Variants in TALDO1 observed in about 807,000 individuals in gnomAD.
The protein encoded by TALDO1 is transaldolase.
A neutral mutation model predicts 38.1 loss-of-function variants in TALDO1; 29 were observed. The observed-to-expected ratio is 0.76, with a 90% CI of 0.57 to 1.04. The LOEUF (loss-of-function observed/expected upper bound fraction) is 1.04. Ranked by LOEUF, TALDO1 falls within the 50% of genes least tolerant of loss-of-function variation. The probability of loss-of-function intolerance (pLI) is 0.00; values close to 1 mark genes in which losing one functional copy is unlikely to be tolerated. For synonymous variants in TALDO1, 207 were observed against 176.8 expected, an observed-to-expected ratio of 1.17 and a Z score of -1.36; for missense variants, 499 against 438.1, an observed-to-expected ratio of 1.14 and a Z score of -1.24.
In TALDO1 at chr11:764,424, G is replaced by A; in HGVS notation, c.972G>A (p.Arg324=). Residue 324 remains arginine, a synonymous_variant, in exon 7 of 8, where the codon CGG becomes CGA. Transcript: ENST00000319006. ...CCGCTGATGCAGTGAAGCTGGAGCG[G>A]ATGCTGACAGTGAGTGTTGTGTGTG... is the stretch of plus-strand genomic sequence containing the variant. The part of the protein sequence containing the change: ...KFAADAVKLE[R]MLTERMFNAE... 6.2e-7 allele frequency: 1 copy of A among 1,610,566 alleles called. No individual in the cohort carries two copies. Among genetic ancestry groups the A allele is most frequent in the Non-Finnish European group, 8.5e-7 (1 of 1,177,634 alleles).
At position 764,441 on chromosome 11, in the gene TALDO1, T is replaced by C. The variant is rs766041069; in HGVS notation, c.981+8T>C. ...CTGGAGCGGATGCTGACAGTGAGTG[T>C]TGTGTGTGGGTACCTACATATGCCA... On this transcript the variant is annotated splice_region_variant and intron_variant, in intron 7 of 7. Coordinates refer to ENST00000319006, the MANE Select transcript of TALDO1 (RefSeq NM_006755.2). 6 of 1,613,710 alleles carry C rather than the reference T, an allele frequency of 3.7e-6. No individual in the cohort carries two copies. The highest frequency in any genetic ancestry group is 5.1e-6 in the Non-Finnish European group (6 of 1,179,830).
In TALDO1 at chr11:763,504, CCCCTGGAAGA is replaced by C. The variant is rs753274168; in HGVS notation, c.629_637+1del. ...AAACACCGACAAGAAATCCTATGAG[CCCCTGGAAGA>C]CCCTGGTGAGGGTCCCTCTGTGGTA... On this transcript the variant is annotated frameshift_variant, in exon 5 of 8. Coordinates refer to ENST00000319006, the MANE Select transcript of TALDO1 (RefSeq NM_006755.2). LOFTEE classifies it high-confidence loss of function. The C allele has an allele frequency of 6.2e-6, 10 of 1,613,566 alleles. No homozygotes were observed. The highest frequency in any genetic ancestry group is 8.5e-6 in the Non-Finnish European group (10 of 1,179,900).
At chr11:759,119 T>C in intron 3 of TALDO1, 62 bp downstream of exon 3, 1 of 1,400,394 alleles carries the variant, frequency 7.1e-7, no homozygotes, top group Non-Finnish European at 1.0e-6. Flanking sequence ...CACACGTGGA[T>C]GCCAACATGA....
At chr11:750,527 T>C (rs1459133773) in intron 1 of TALDO1, among the ~76,000 whole-genome samples, 1 of 151,712 alleles carries the variant, frequency 6.6e-6, no homozygotes, top group Non-Finnish European at 1.5e-5. Context: ...ATAAAGTTAC[T>C]GAACTTGTGA....
At chr11:764,095 T>C in intron 6 of TALDO1, 151 bp downstream of exon 6, 2 of 1,334,450 alleles carry the variant, frequency 1.5e-6, no homozygotes, top group Non-Finnish European at 2.1e-6. Flanking sequence ...GGCTTGGCTT[T>C]CCTAACACAT....
Position 763,071 on chromosome 11 carries a change from AGTCTTACCGATTTGT to A in TALDO1, c.462-272_462-258del, listed in dbSNP as rs563170181. On this transcript the variant is annotated intron_variant, in intron 4 of 7. Transcript: ENST00000319006. ...ACCCACTATCCACTTAGAGCCCTCGAGTCTTACCGATTTGTTCTTAACAATGGCATGAGCCTGTTC... is the reference window on the plus strand; with the variant it reads ...ACCCACTATCCACTTAGAGCCCTCGATCTTAACAATGGCATGAGCCTGTTC... Among the ~76,000 whole-genome samples the A allele has an allele frequency of 4.5e-3, 685 of 151,896 alleles. 2 individuals carry two copies. The highest frequency in any genetic ancestry group is 0.017 in the Middle Eastern group (5 of 294).
chr11:755,989 C>A lies in TALDO1; in HGVS notation c.208C>A (p.Arg70=), dbSNP rs771652130. 15 of 1,613,128 alleles carry A rather than the reference C, an allele frequency of 9.3e-6. No homozygotes were observed. Among genetic ancestry groups the A allele is most frequent in the African/African-American group, 1.3e-5 (1 of 74,908 alleles). The stretch of plus-strand genomic sequence containing the variant: ...GGTGGAGGAGGCGATTGCCTATGGC[C>A]GGAAGCTGGGCGGGTGAGTGCCTGG... ...ELVEEAIAYG[R]KLGGSQEDQI... Residue 70 remains arginine (R), a synonymous_variant, in exon 2 of 8, where the codon CGG becomes AGG. Transcript: ENST00000319006.
intron 2 of TALDO1, among the ~76,000 whole-genome samples, chr11:757,966 G>A (rs528172848): frequency 6.6e-6 from 1 of 152,142 alleles, no homozygotes; most frequent in African/African-American, 2.4e-5. Context: ...GCAAAACTCT[G>A]TCTCTACAAA....
chr11:761,962 GTTT>G (rs538232832), intron 4 of TALDO1, among the ~76,000 whole-genome samples: 2 of 151,230 alleles, frequency 1.3e-5, no homozygotes, highest in East Asian at 3.9e-4. Context: ...TCATTTGTGT[GTTT>G]TTTTGTTTTT....
rs371348096 is a variant in TALDO1 at position 759,782 on chromosome 11, A to G, written c.330-340A>G. Among the ~76,000 whole-genome samples, 3 of 152,042 alleles carry G rather than the reference A, an allele frequency of 2.0e-5. No individual in the cohort carries two copies. The East Asian group carries it at 5.8e-4, about 29-fold the overall frequency. On this transcript the variant is annotated intron_variant, in intron 3 of 7. Coordinates refer to ENST00000319006, the MANE Select transcript of TALDO1 (RefSeq NM_006755.2). Reference sequence around the variant, plus strand: ...TTTTTAGTAGCGACAGGGTTTCACCATGTTGGCCAGGATGGTCTCGATCCC... The same window carrying G: ...TTTTTAGTAGCGACAGGGTTTCACCGTGTTGGCCAGGATGGTCTCGATCCC...
intron 1 of TALDO1, among the ~76,000 whole-genome samples, chr11:750,758 G>C (rs2133568657): frequency 6.6e-6 from 1 of 152,096 alleles, no homozygotes; most frequent in South Asian, 2.1e-4. Flanking sequence ...CTGGGAGGCG[G>C]AGCTTGCAAT....
At chr11:764,178 C>G (rs1206938040) in intron 6 of TALDO1, 110 bp from the exon 7 acceptor site, 1 of 1,588,186 alleles carries the variant, frequency 6.3e-7, no homozygotes, top group African/African-American at 1.3e-5. Context: ...GGGGCCAAGG[C>G]CTGGCCCTGG....
At position 764,703 on chromosome 11, in the gene TALDO1, C is replaced by CA. The variant is rs1159470684; in HGVS notation, c.982-109dup. 2.6e-6 allele frequency: 4 copies of CA among 1,559,464 alleles called. No individual in the cohort carries two copies. In the African/African-American group the frequency reaches 4.1e-5, roughly 16 times the overall value. On this transcript the variant is annotated intron_variant, in intron 7 of 7. Coordinates refer to ENST00000319006, the MANE Select transcript of TALDO1 (RefSeq NM_006755.2). ...CCACCCTGTGGCCGTGGCCCCCACA[C>CA]AGAGTGCAGACCCCACAAGGGCCTC...
In TALDO1 at chr11:763,836, G is replaced by A. The variant is rs1315654562; in HGVS notation, c.727G>A (p.Glu243Lys). The change falls in exon 6 of 8, where the codon GAG (glutamate) becomes AAG (lysine). Residue 243 changes from glutamate to lysine, a missense_variant. Coordinates refer to ENST00000319006, the MANE Select transcript of TALDO1 (RefSeq NM_006755.2). ...GGGCGCCTCCTTCCGCAACACGGGC[G>A]AGATCAAAGCACTGGCCGGCTGTGA... ...VMGASFRNTGEIKALAGCDFL... is the reference protein window; with the variant it reads ...VMGASFRNTGKIKALAGCDFL... 5.6e-6 allele frequency: 9 copies of A among 1,614,032 alleles called. No individual in the cohort carries two copies. The highest frequency in any genetic ancestry group is 7.6e-6 in the Non-Finnish European group (9 of 1,180,024).
chr11:760,030 A>G, intron 3 of TALDO1, 92 bp from the exon 4 acceptor site: 1 of 1,586,264 alleles, frequency 6.3e-7, no homozygotes, highest in South Asian at 1.1e-5. Flanking sequence ...GGTGCTGCTC[A>G]AAACTGACAG....
At position 764,846 on chromosome 11, in the gene TALDO1, C is replaced by T. The variant is rs145192861; in HGVS notation, c.*1C>T. ...GTTCAATGCAGAGAATGGAAAGTAG[C>T]GCATCCCTGAGGCTGGACTCCAGAT... On this transcript the variant is annotated 3_prime_UTR_variant, in exon 8 of 8. Transcript: ENST00000319006. The T allele has an allele frequency of 1.2e-5, 19 of 1,614,066 alleles. No homozygotes were observed. The highest frequency in any genetic ancestry group is 4.0e-5 in the African/African-American group (3 of 75,058).
intron 1 of TALDO1, among the ~76,000 whole-genome samples, chr11:750,880 A>G (rs777161791): frequency 3.3e-5 from 5 of 151,988 alleles, no homozygotes; most frequent in Non-Finnish European, 5.9e-5. Flanking sequence ...GGGCCATTCT[A>G]TGGGTGTCAA....
At chr11:751,971 T>C (rs1235679329) in intron 1 of TALDO1, among the ~76,000 whole-genome samples, 1 of 152,208 alleles carries the variant, frequency 6.6e-6, no homozygotes, top group Non-Finnish European at 1.5e-5. Flanking sequence ...TTTCCATCAC[T>C]GACCTTCTCC....
rs759958255 is a variant in TALDO1, at chr11:747,564, C to T, written c.83C>T (p.Thr28Met). 6.9e-6 allele frequency: 11 copies of T among 1,584,524 alleles called. No homozygotes were observed. The highest frequency in any genetic ancestry group is 5.1e-6 in the Non-Finnish European group (6 of 1,168,208). The change falls in exon 1 of 8, where the codon ACG becomes ATG. Residue 28 changes from threonine (T) to methionine (M), a missense_variant. Coordinates refer to ENST00000319006, the MANE Select transcript of TALDO1 (RefSeq NM_006755.2). ...LKQFTTVVAD[T>M]GDFHAIDEYK... ...CAGTTCACCACCGTGGTGGCCGACACGGGCGACTTCCACGGTGAGGACGGC... is the reference window on the plus strand; with the variant it reads ...CAGTTCACCACCGTGGTGGCCGACATGGGCGACTTCCACGGTGAGGACGGC...
Sources: gnomAD v4.1 joint callset for allele counts (sites outside exome capture counted in the v4.1 genomes callset) on GRCh38, gnomAD v4.1.1 for gene constraint, MANE v1.5 for transcripts, NCBI Gene and HGNC (gene_info 2026-07-23, HGNC 2026-07-21) for gene names.